Variants in PI4KA observed in about 807,000 individuals in gnomAD.
The protein encoded by PI4KA is phosphatidylinositol 4-kinase alpha.
A neutral mutation model predicts 271.4 loss-of-function variants in PI4KA; 122 were observed. The observed-to-expected ratio is 0.45, with a 90% CI of 0.39 to 0.52. PI4KA has a LOEUF of 0.52. Ranked by LOEUF, PI4KA falls within the 20% of genes least tolerant of loss-of-function variation. PI4KA has a pLI of 0.00. For missense variants in PI4KA, 1,969 were observed against 2,769.1 expected (o/e 0.71, Z 6.48); for synonymous variants, 1,041 against 1,078.8 (o/e 0.96, Z 0.69).
chr22:20,719,402 ACT>A (rs1407152389), intron 43 of PI4KA, among the ~76,000 whole-genome samples: 5 of 151,986 alleles, frequency 3.3e-5, no homozygotes, highest in Non-Finnish European at 7.4e-5. Flanking sequence ...AGTAGGTGGG[ACT>A]ACAGGTGCGC....
chr22:20,724,235 G>A (rs2079539364), intron 42 of PI4KA, among the ~76,000 whole-genome samples: 5 of 151,864 alleles, frequency 3.3e-5, no homozygotes, highest in African/African-American at 9.7e-5. Flanking sequence ...AACCTGGGAG[G>A]CAGAGGTTGT....
chr22:20,793,384 CAG>C, intron 18 of PI4KA, 141 bp from the exon 19 acceptor site: 1 of 541,532 alleles, frequency 1.8e-6, no homozygotes, highest in South Asian at 2.6e-5. Flanking sequence ...CAGAGAGAGG[CAG>C]AGAGATGCTC....
chr22:20,727,903 A>C, intron 39 of PI4KA, 39 bp from the exon 40 acceptor site: 1 of 1,510,832 alleles, frequency 6.6e-7, no homozygotes, highest in South Asian at 1.1e-5. Context: ...CTGCCTCGCC[A>C]GGGAACCTGC....
At chr22:20,779,781 G>T in intron 19 of PI4KA, 2 of 1,614,198 alleles carry the variant, frequency 1.2e-6, no homozygotes, top group Non-Finnish European at 1.7e-6. Context: ...AGCACCCGTT[G>T]GCATTTCTAC....
chr22:20,715,206 G>A (rs1024951326), intron 45 of PI4KA, among the ~76,000 whole-genome samples: 13 of 151,378 alleles, frequency 8.6e-5, no homozygotes, highest in African/African-American at 3.2e-4. Context: ...GAGTAGCTGG[G>A]ATTATAGGCG....
At position 20,828,862 on chromosome 22, in the gene PI4KA, T is replaced by C. The variant is rs1173928838; in HGVS notation, c.368-4448A>G. Among the ~76,000 whole-genome samples the C allele has an allele frequency of 2.0e-5, 3 of 152,172 alleles. No individual in the cohort carries two copies. In the South Asian group the frequency reaches 6.2e-4, roughly 32 times the overall value. ...GCCACCACGCCTGGCCTGTTGAGGA[T>C]TTTTAACATGAAGGGATATTGAATT... On this transcript the variant is annotated intron_variant, in intron 3 of 54. Transcript: ENST00000255882.
Position 20,804,281 on chromosome 22 carries a change from TG to T in PI4KA, c.1461+18del. ...CCTACAGGTGGGATCTGAGCCTCTC[TG>T]GGTTCAGGGAGACTGACCTGCAGAC... On this transcript the variant is annotated intron_variant, in intron 12 of 54. Coordinates refer to ENST00000255882, the MANE Select transcript of PI4KA (RefSeq NM_058004.4). 6.4e-7 allele frequency: 1 copy of T among 1,563,952 alleles called. No homozygotes were observed. The highest frequency in any genetic ancestry group is 8.8e-7 in the Non-Finnish European group (1 of 1,134,116).
intron 23 of PI4KA, among the ~76,000 whole-genome samples, chr22:20,757,102 G>C (rs1358394154): frequency 2.0e-5 from 3 of 152,210 alleles, no homozygotes; most frequent in African/African-American, 7.2e-5. Context: ...TATACCTGCA[G>C]AGAGGAGGCA....
intron 32 of PI4KA, 151 bp downstream of exon 32, chr22:20,742,077 T>A: frequency 1.3e-6 from 1 of 752,302 alleles, no homozygotes; most frequent in South Asian, 2.0e-5. Context: ...GACTGTCAGG[T>A]ATAATAATAG....
intron 45 of PI4KA, among the ~76,000 whole-genome samples, chr22:20,717,115 G>A (rs796358702): frequency 4.0e-4 from 61 of 152,242 alleles, no homozygotes; most frequent in African/African-American, 1.3e-3. Context: ...GTGTGGTGGC[G>A]GGTGCCTGCA....
At chr22:20,760,157 T>C (rs1568999062) in intron 23 of PI4KA, among the ~76,000 whole-genome samples, 1 of 152,200 alleles carries the variant, frequency 6.6e-6, no homozygotes, top group Non-Finnish European at 1.5e-5. Flanking sequence ...AATTTGTCAA[T>C]CTCAAGAATT....
chr22:20,801,709 C>T (rs946221702), intron 14 of PI4KA, among the ~76,000 whole-genome samples: 1 of 151,620 alleles, frequency 6.6e-6, no homozygotes, highest in African/African-American at 2.4e-5. Flanking sequence ...CGTGGTGCAA[C>T]CCCATCTCTA....
intron 8 of PI4KA, among the ~76,000 whole-genome samples, chr22:20,812,268 T>C (rs992715453): frequency 5.3e-5 from 8 of 152,178 alleles, no homozygotes; most frequent in Non-Finnish European, 7.3e-5. Flanking sequence ...CTAGCCTATT[T>C]AGTAATTCAT....
At chr22:20,816,741 C>T (rs1921858005) in intron 7 of PI4KA, among the ~76,000 whole-genome samples, 1 of 152,234 alleles carries the variant, frequency 6.6e-6, no homozygotes. Context: ...GCAGGGCTCG[C>T]TTGTCTCGTC....
At chr22:20,708,707 T>A (rs905871938) in intron 54 of PI4KA, among the ~76,000 whole-genome samples, 1 of 111,150 alleles carries the variant, frequency 9.0e-6, no homozygotes, top group Non-Finnish European at 1.7e-5. Context: ...CAACCCCACA[T>A]GTTTAAGTGC....
At chr22:20,770,272 G>T (rs1402242374) in intron 19 of PI4KA, among the ~76,000 whole-genome samples, 1 of 151,554 alleles carries the variant, frequency 6.6e-6, no homozygotes, top group Non-Finnish European at 1.5e-5. Flanking sequence ...TAGCACTTTG[G>T]GAGGCTGAGG....
In PI4KA at chr22:20,753,010, G is replaced by T; in HGVS notation, c.2880C>A (p.Asn960Lys). The T allele has an allele frequency of 6.2e-7, 1 of 1,614,162 alleles. No individual in the cohort carries two copies. The highest frequency in any genetic ancestry group is 8.5e-7 in the Non-Finnish European group (1 of 1,180,040). ...MMADKAKTKE[N>K]EEELERHAQF... Reference sequence around the variant, plus strand: ...GAGCGTGCCGCTCCAGCTCCTCCTCGTTCTCCTTGGTCTTGGCCTAGAGAT... The same window carrying T: ...GAGCGTGCCGCTCCAGCTCCTCCTCTTTCTCCTTGGTCTTGGCCTAGAGAT... Residue 960 changes from asparagine to lysine, a missense_variant, in exon 25 of 55, where the codon AAC becomes AAA. Physicochemically the swap from Asn to Lys is moderately conservative, Grantham distance 94. This residue lies in a region of PI4KA where 368 missense variants were observed against 544.3 expected (regional missense o/e 0.68). Transcript: ENST00000255882.
At chr22:20,753,058 T>C (rs1349878968) in intron 24 of PI4KA, 31 bp from the exon 25 acceptor site, 2 of 1,614,112 alleles carry the variant, frequency 1.2e-6, no homozygotes, top group East Asian at 2.2e-5. Flanking sequence ...GGTACCGCAG[T>C]GCCCCAGATG....
intron 19 of PI4KA, among the ~76,000 whole-genome samples, chr22:20,792,758 G>A (rs1361737803): frequency 1.3e-5 from 2 of 152,236 alleles, no homozygotes; most frequent in African/African-American, 4.8e-5. Context: ...TCCCCTGAAG[G>A]AGACTGGGGC....
Sources: gnomAD v4.1 joint callset for allele counts (sites outside exome capture counted in the v4.1 genomes callset) on GRCh38, gnomAD v4.1.1 for gene constraint, gnomAD v4.1.1 regional missense constraint, MANE v1.5 for transcripts, NCBI Gene and HGNC (gene_info 2026-07-23, HGNC 2026-07-21) for gene names.